Variants in RELN observed in about 807,000 individuals in gnomAD.
RELN encodes the protein reelin.
RELN carries 108 observed loss-of-function variants against 427.6 expected under a neutral mutation model. That is an observed-to-expected ratio of 0.25 (90% CI 0.22 to 0.30). The LOEUF (loss-of-function observed/expected upper bound fraction) is 0.30, where lower values mean the gene tolerates loss of function less well. RELN is among the 10% of genes least tolerant of loss of function. The pLI is 1.00. For synonymous variants in RELN, 1,524 were observed against 1,513.4 expected, an observed-to-expected ratio of 1.01 and a Z score of -0.16; for missense variants, 3,715 against 4,302.8, an observed-to-expected ratio of 0.86 and a Z score of 3.82.
At chr7:103,571,461 G>A (rs571869993) in intron 31 of RELN, among the ~76,000 whole-genome samples, 1 of 152,290 alleles carries the variant, frequency 6.6e-6, no homozygotes, top group East Asian at 1.9e-4. Context: ...GGAGTTCAGT[G>A]CAAGGAGAGA....
chr7:103,585,483 A>G (rs1439571398), intron 28 of RELN, among the ~76,000 whole-genome samples: 1 of 152,140 alleles, frequency 6.6e-6, no homozygotes, highest in African/African-American at 2.4e-5. Flanking sequence ...GAAACATACA[A>G]CCTCCCAAGC....
intron 2 of RELN, among the ~76,000 whole-genome samples, chr7:103,892,853 C>G (rs1794879488): frequency 6.6e-6 from 1 of 152,242 alleles, no homozygotes; most frequent in South Asian, 2.1e-4. Flanking sequence ...GAAATAACAT[C>G]TTTCAGAATA....
At chr7:103,649,266 T>C (rs929747771) in intron 16 of RELN, among the ~76,000 whole-genome samples, 1 of 152,000 alleles carries the variant, frequency 6.6e-6, no homozygotes, top group Non-Finnish European at 1.5e-5. Context: ...TGAAAAAGAA[T>C]GAAATCGTGT....
intron 60 of RELN, among the ~76,000 whole-genome samples, chr7:103,487,458 T>TG (rs1554361592): frequency 2.3e-5 from 3 of 128,104 alleles, no homozygotes; most frequent in African/African-American, 8.7e-5. Context: ...GTTGTTACAG[T>TG]AAAAAAAAAA....
intron 61 of RELN, chr7:103,484,214 T>G (rs907770092): frequency 1.1e-5 from 3 of 269,454 alleles, no homozygotes; most frequent in Non-Finnish European, 2.2e-5. Context: ...CAGGAAGTAT[T>G]AAAGGAATTA....
intron 45 of RELN, 120 bp from the exon 46 acceptor site, chr7:103,535,604 A>T: frequency 1.0e-6 from 1 of 965,990 alleles, no homozygotes; most frequent in Non-Finnish European, 1.6e-6. Context: ...TTTTTTCCCT[A>T]CACTTATATT....
chr7:103,970,654 T>C (rs1442817067), intron 1 of RELN, among the ~76,000 whole-genome samples: 3 of 152,176 alleles, frequency 2.0e-5, no homozygotes, highest in Non-Finnish European at 4.4e-5. Context: ...AGTTCAACGT[T>C]AATGAACCAA....
intron 28 of RELN, among the ~76,000 whole-genome samples, chr7:103,576,772 A>C (rs362626): frequency 0.73 from 110,756 of 152,032 alleles, 40,574 homozygotes; most frequent in African/African-American, 0.8. Context: ...TAACTGCCAA[A>C]GAACAAAAGA....
chr7:103,598,296 T>C (rs1409497308), intron 24 of RELN, among the ~76,000 whole-genome samples: 1 of 152,226 alleles, frequency 6.6e-6, no homozygotes, highest in Non-Finnish European at 1.5e-5. Flanking sequence ...TCTTGTAAGT[T>C]ACATGCATTT....
intron 1 of RELN, among the ~76,000 whole-genome samples, chr7:103,984,056 C>A (rs1797047079): frequency 6.6e-6 from 1 of 151,412 alleles, no homozygotes; most frequent in African/African-American, 2.4e-5. Flanking sequence ...TTGAAGTGAT[C>A]AGAAAAACAA....
chr7:103,855,426 T>C (rs535538468), intron 2 of RELN, among the ~76,000 whole-genome samples: 2 of 152,250 alleles, frequency 1.3e-5, no homozygotes, highest in African/African-American at 4.8e-5. Context: ...AGTAAAATAG[T>C]AGTGGCATCT....
At chr7:103,476,484 AAAC>A (rs1251826844) in intron 64 of RELN, among the ~76,000 whole-genome samples, 3 of 151,866 alleles carry the variant, frequency 2.0e-5, no homozygotes, top group African/African-American at 7.3e-5. Flanking sequence ...CTGTCTCAAA[AAAC>A]AAACAAACAA....
rs1584240786 is a variant in RELN at position 103,502,895 on chromosome 7, G to A, written c.8489+121C>T. On this transcript the variant is annotated intron_variant, in intron 52 of 64. Coordinates refer to ENST00000428762, the MANE Select transcript of RELN (RefSeq NM_005045.4). ...AGTAACCAATTAGAGAACCTTTAGA[G>A]TTAGGGAGAAAGAAAGCACTTTACC... 44 of 833,138 alleles carry A rather than the reference G, an allele frequency of 5.3e-5. No homozygotes were observed. In the South Asian group the frequency reaches 6.2e-4, roughly 12 times the overall value. 51.6% of individuals were successfully genotyped at this position (833,138 alleles called of 1,614,324 possible). A position where few individuals can be genotyped will look rare whatever the true frequency, so the allele number is the denominator to read the frequency against.
At chr7:103,518,037 C>T (rs991997330) in intron 49 of RELN, among the ~76,000 whole-genome samples, 2 of 152,082 alleles carry the variant, frequency 1.3e-5, no homozygotes, top group African/African-American at 4.8e-5. Context: ...CCCTTTTGGA[C>T]CATGAGATGA....
intron 6 of RELN, among the ~76,000 whole-genome samples, chr7:103,743,381 CATA>C (rs1790723290): frequency 6.6e-6 from 1 of 152,180 alleles, no homozygotes; most frequent in Admixed American, 6.5e-5. Context: ...CAGCTAACAT[CATA>C]ATGACAGAAT....
intron 63 of RELN, among the ~76,000 whole-genome samples, chr7:103,482,543 AT>A (rs1162411763): frequency 1.3e-5 from 2 of 152,322 alleles, no homozygotes; most frequent in East Asian, 3.9e-4. Context: ...ATGTCATTTC[AT>A]TTTATAAGGC....
At chr7:103,728,559 T>A (rs1790271746) in intron 6 of RELN, among the ~76,000 whole-genome samples, 2 of 152,074 alleles carry the variant, frequency 1.3e-5, no homozygotes, top group Non-Finnish European at 2.9e-5. Flanking sequence ...AGAACCAATG[T>A]CATAGCAGGC....
chr7:103,511,103 A>G, intron 50 of RELN, 98 bp from the exon 51 acceptor site: 1 of 807,136 alleles, frequency 1.2e-6, no homozygotes, highest in South Asian at 1.5e-5. Context: ...TTTAAGTAGA[A>G]ACTGCTCATA....
chr7:103,677,115 A>C (rs1833547152), intron 11 of RELN, among the ~76,000 whole-genome samples: 1 of 152,208 alleles, frequency 6.6e-6, no homozygotes, highest in South Asian at 2.1e-4. Context: ...CTTTGCAGGG[A>C]CACGGATGAA....
Sources: allele counts gnomAD v4.1 joint callset (sites outside exome capture counted in the v4.1 genomes callset), GRCh38; gene constraint gnomAD v4.1.1; transcripts MANE v1.5; gene names NCBI Gene and HGNC (gene_info 2026-07-23, HGNC 2026-07-21).